Variants in SHBG observed in about 807,000 individuals in gnomAD.
SHBG encodes sex hormone-binding globulin.
A neutral mutation model predicts 41.9 loss-of-function variants in SHBG; 37 were observed. That is an observed-to-expected ratio of 0.88 (90% CI 0.68 to 1.16). The LOEUF is 1.16. Among genes scored for constraint, SHBG ranks in the 50% most tolerant of loss-of-function variants. The pLI is 0.00. For missense variants in SHBG, 466 were observed against 499.9 expected (o/e 0.93, Z 0.65); for synonymous variants, 217 against 205.8 (o/e 1.05, Z -0.47).
upstream of SHBG, chr17:7,630,016 TG>T: frequency 1.4e-6 from 1 of 708,736 alleles, no homozygotes; most frequent in Non-Finnish European, 2.6e-6. The surrounding 1 kb of genome is among the most constrained non-coding windows in gnomAD (Gnocchi z 4.6). Flanking sequence ...GTCTTGTGAC[TG>T]GGCCCCTGGG....
At chr17:7,622,553 G>A (rs550618131) in intron 1 of SHBG, among the ~76,000 whole-genome samples, 4 of 152,148 alleles carry the variant, frequency 2.6e-5, no homozygotes, top group South Asian at 2.1e-4. Flanking sequence ...GATTACAGGC[G>A]TGAGCCACTG....
chr17:7,633,049 G>A (rs2072471334), intron 7 of SHBG, 90 bp downstream of exon 7: 1 of 1,429,696 alleles, frequency 7.0e-7, no homozygotes. Context: ...AAACCTCTGG[G>A]AGGGAAGAAG....
intron 1 of SHBG, among the ~76,000 whole-genome samples, chr17:7,619,598 C>T (rs557036145): frequency 6.6e-6 from 1 of 151,172 alleles, no homozygotes; most frequent in African/African-American, 2.4e-5. Context: ...CCCAGCTACC[C>T]AGGAGGCTGA....
At chr17:7,633,140 G>C in intron 7 of SHBG, 64 bp from the exon 8 acceptor site, 1 of 1,588,774 alleles carries the variant, frequency 6.3e-7, no homozygotes, top group South Asian at 1.1e-5. Context: ...GAAAAGTGGG[G>C]AGAAGATTCT....
chr17:7,617,014 G>C (rs1272636168), intron 1 of SHBG, among the ~76,000 whole-genome samples: 1 of 152,168 alleles, frequency 6.6e-6, no homozygotes, highest in Non-Finnish European at 1.5e-5. Flanking sequence ...AAGGGTAGTA[G>C]CAGGAAAACT....
In SHBG at chr17:7,630,652, C is replaced by T. The variant is rs762578737; in HGVS notation, c.204-28C>T. On this transcript the variant is annotated intron_variant, in intron 2 of 7. Coordinates refer to ENST00000380450, the MANE Select transcript of SHBG (RefSeq NM_001040.5). The surrounding 1 kb of genome is among the most constrained non-coding windows in gnomAD (Gnocchi z 4.6). The stretch of plus-strand genomic sequence containing the variant: ...TGGTTCTCAAAGGACACATGACATA[C>T]ACAATCTTTCCTTCTGTGTCCTTCC... The T allele has an allele frequency of 4.4e-6, 7 of 1,602,720 alleles. No homozygotes were observed. The highest frequency in any genetic ancestry group is 8.5e-7 in the Non-Finnish European group (1 of 1,170,306).
At position 7,633,252 on chromosome 17, in the gene SHBG, G is replaced by A. The variant is rs556486571; in HGVS notation, c.1109G>A (p.Gly370Asp). 17 of 1,614,182 alleles carry A rather than the reference G, an allele frequency of 1.1e-5. No homozygotes were observed. In the South Asian group the frequency reaches 1.8e-4, roughly 17 times the overall value. ...TGCCTGAATGGCCTTTGGGCACAAG[G>A]TCAGAGGCTGGATGTGGACCAGGCC... ...SFCLNGLWAQ[G>D]QRLDVDQALN... The change falls in exon 8 of 8, where the codon GGT (glycine) becomes GAT (aspartate). Residue 370 changes from glycine (G) to aspartate (D), a missense_variant. Coordinates refer to ENST00000380450, the MANE Select transcript of SHBG (RefSeq NM_001040.5).
chr17:7,617,236 A>C (rs559089399), intron 1 of SHBG, among the ~76,000 whole-genome samples: 1 of 152,214 alleles, frequency 6.6e-6, no homozygotes, highest in Non-Finnish European at 1.5e-5. Flanking sequence ...CAGACTTGGA[A>C]GTCTCTGACT....
At chr17:7,626,385 GAA>G (rs1304001230), upstream of SHBG, 3 of 1,583,824 alleles carry the variant, frequency 1.9e-6, no homozygotes, top group Non-Finnish European at 2.6e-6. Flanking sequence ...CGTAGTCTCT[GAA>G]GAGTGCTTCA....
In SHBG at chr17:7,631,602, T is replaced by C. The variant is rs1318105864; in HGVS notation, c.569T>C (p.Leu190Pro). 4 of 1,614,008 alleles carry C rather than the reference T, an allele frequency of 2.5e-6. No homozygotes were observed. In the Admixed American group the frequency reaches 6.7e-5, roughly 27 times the overall value. ...GTCACACTCCAGCTGGTTCCTGCCC[T>C]GGATGGCTGCCTGCGCCGGGATTCC... ...SNLRLPLVPA[L>P]DGCLRRDSWL... Residue 190 changes from leucine to proline, a missense_variant, in exon 5 of 8, where the codon CTG (leucine) becomes CCG (proline). Physicochemically the swap from Leu to Pro is moderately conservative, Grantham distance 98. Coordinates refer to ENST00000380450, the MANE Select transcript of SHBG (RefSeq NM_001040.5).
rs754548489 is a variant in SHBG, at chr17:7,632,023, G to C, written c.852+8G>C. Reference sequence around the variant, plus strand: ...CTCCACCTCCAAGATCAAGTAAAGGGGGACAGTGGGGCATTGCCTGTATTC... The same window carrying C: ...CTCCACCTCCAAGATCAAGTAAAGGCGGACAGTGGGGCATTGCCTGTATTC... On this transcript the variant is annotated splice_region_variant and intron_variant, in intron 6 of 7. Coordinates refer to ENST00000380450, the MANE Select transcript of SHBG (RefSeq NM_001040.5). The C allele has an allele frequency of 6.2e-7, 1 of 1,612,788 alleles. No individual in the cohort carries two copies. The highest frequency in any genetic ancestry group is 8.5e-7 in the Non-Finnish European group (1 of 1,179,964).
upstream of SHBG, chr17:7,626,502 C>A: frequency 6.2e-7 from 1 of 1,614,164 alleles, no homozygotes; most frequent in Admixed American, 1.7e-5. Flanking sequence ...GAAGTGCCAG[C>A]CCTCAGCTTC....
chr17:7,619,745 GGA>G lies in SHBG; in HGVS notation c.-62+5636_-62+5637del, dbSNP rs1567758576. 2.6e-5 allele frequency among the ~76,000 whole-genome samples: 4 copies of G among 151,590 alleles called. No individual in the cohort carries two copies. The South Asian group carries it at 8.3e-4, about 32-fold the overall frequency. On this transcript the variant is annotated intron_variant, in intron 1 of 5. Coordinates refer to the SHBG transcript ENST00000570547. ...AAAAAAAAAGTAAACACTAAACACAGGAGGATGGGAAGTGGAGGTGGGATGAT... is the reference window on the plus strand; with the variant it reads ...AAAAAAAAAGTAAACACTAAACACAGGGATGGGAAGTGGAGGTGGGATGAT...
In SHBG at chr17:7,631,862, A is replaced by G; in HGVS notation, c.716-17A>G. The G allele has an allele frequency of 4.3e-6, 7 of 1,613,916 alleles. No individual in the cohort carries two copies. The highest frequency in any genetic ancestry group is 5.9e-6 in the Non-Finnish European group (7 of 1,179,988). ...ACCCCAGCTTTGAGGCCTCAGGATA[A>G]TCATTTCTCCCCACAGACATTCCCC... is the stretch of plus-strand genomic sequence containing the variant. On this transcript the variant is annotated splice_polypyrimidine_tract_variant and intron_variant, in intron 5 of 7. Transcript: ENST00000380450.
At chr17:7,627,596 A>T, upstream of SHBG, 1 of 1,612,250 alleles carries the variant, frequency 6.2e-7, no homozygotes, top group South Asian at 1.1e-5. The surrounding 1 kb of genome is among the most constrained non-coding windows in gnomAD (Gnocchi z 4.8). Flanking sequence ...ATATCTCCAC[A>T]GTCTCCCTCC....
At position 7,632,952 on chromosome 17, in the gene SHBG, T is replaced by A; in HGVS notation, c.1053T>A (p.Ala351=). ...CTCAAGGGCGTCTCTTCCTGGGGGCTTTACCAGGTAAGAGAGAATGATGTT... is the reference window on the plus strand; with the variant it reads ...CTCAAGGGCGTCTCTTCCTGGGGGCATTACCAGGTAAGAGAGAATGATGTT... ...AKPQGRLFLG[A]LPGEDSSTSF... is the part of the protein sequence containing the mutation. The change falls in exon 7 of 8, where the codon GCT becomes GCA. Residue 351 remains alanine, a synonymous_variant. Coordinates refer to ENST00000380450, the MANE Select transcript of SHBG (RefSeq NM_001040.5). The A allele has an allele frequency of 1.2e-6, 2 of 1,612,730 alleles. No homozygotes were observed. Among genetic ancestry groups the A allele is most frequent in the Non-Finnish European group, 1.7e-6 (2 of 1,178,852 alleles).
In SHBG at chr17:7,630,139, G is replaced by T. The variant is rs1192482873; in HGVS notation, c.-34G>T. 1 of 1,562,962 alleles carries T rather than the reference G, an allele frequency of 6.4e-7. No individual in the cohort carries two copies. Among genetic ancestry groups the T allele is most frequent in the East Asian group, 2.2e-5 (1 of 44,658 alleles). On this transcript the variant is annotated 5_prime_UTR_variant, in exon 1 of 8. Transcript: ENST00000380450. The surrounding 1 kb of genome is among the most constrained non-coding windows in gnomAD (Gnocchi z 4.6). ...CCTGCCTCTACACATTCTCCCAAGAGTTGTCTGAGCCGCCGAGTGGACAGT... is the reference window on the plus strand; with the variant it reads ...CCTGCCTCTACACATTCTCCCAAGATTTGTCTGAGCCGCCGAGTGGACAGT...
chr17:7,619,267 G>A (rs1319776271), intron 1 of SHBG, among the ~76,000 whole-genome samples: 2 of 151,672 alleles, frequency 1.3e-5, no homozygotes, highest in Non-Finnish European at 2.9e-5. Context: ...GCACATGCCT[G>A]TAATCCCAGC....
upstream of SHBG, chr17:7,628,035 C>A (rs891665065): frequency 8.5e-6 from 4 of 469,808 alleles, no homozygotes; most frequent in African/African-American, 8.0e-5. Context: ...GTGTGGGTGT[C>A]CCAACCTGGG....
Sources: gnomAD v4.1 joint callset for allele counts (sites outside exome capture counted in the v4.1 genomes callset) on GRCh38, gnomAD v4.1.1 for gene constraint, Gnocchi (gnomAD v3.1) non-coding constraint, MANE v1.5 for transcripts, NCBI Gene and HGNC (gene_info 2026-07-23, HGNC 2026-07-21) for gene names.